The following NRG3 variants were observed in gnomAD, a reference collection of about 807,000 sequenced individuals.
The protein encoded by NRG3 is pro-neuregulin-3, membrane-bound isoform.
Under a neutral mutation model 66.9 loss-of-function variants are expected in NRG3, and 31 were observed. The observed-to-expected ratio is 0.46, with a 90% CI of 0.35 to 0.63. The LOEUF is 0.63. Ranked by LOEUF, NRG3 falls within the 20% of genes least tolerant of loss-of-function variation. The pLI is 0.00. For synonymous variants in NRG3, 393 were observed against 359.4 expected, an observed-to-expected ratio of 1.09 and a Z score of -1.06; for missense variants, 910 against 878.9, an observed-to-expected ratio of 1.04 and a Z score of -0.45.
chr10:82,560,647 C>A (rs1590672095), intron 2 of NRG3, among the ~76,000 whole-genome samples: 1 of 150,774 alleles, frequency 6.6e-6, no homozygotes, highest in East Asian at 2.0e-4. Context: ...AAATGTTAAT[C>A]ATATTTTATG....
At chr10:82,158,684 C>A (rs1459976335) in intron 1 of NRG3, among the ~76,000 whole-genome samples, 2 of 151,820 alleles carry the variant, frequency 1.3e-5, no homozygotes, top group Non-Finnish European at 2.9e-5. Context: ...GTTTTGAGAT[C>A]ATTCCTTTGG....
At chr10:82,602,486 T>C (rs1220858689) in intron 2 of NRG3, among the ~76,000 whole-genome samples, 1 of 152,028 alleles carries the variant, frequency 6.6e-6, no homozygotes, top group Admixed American at 6.6e-5. Flanking sequence ...ATTATTATAT[T>C]ATTTTCAATA....
At chr10:82,324,277 A>G (rs1446295057) in intron 1 of NRG3, among the ~76,000 whole-genome samples, 1 of 151,966 alleles carries the variant, frequency 6.6e-6, no homozygotes, top group East Asian at 1.9e-4. Context: ...CATTTCTCTC[A>G]TTTCTGTTAT....
At chr10:82,227,377 A>G (rs751766024) in intron 1 of NRG3, among the ~76,000 whole-genome samples, 7 of 152,274 alleles carry the variant, frequency 4.6e-5, no homozygotes, top group Non-Finnish European at 8.8e-5. Context: ...CTTGCATTTG[A>G]CAACTGGCTC....
At chr10:82,101,345 T>C (rs1165348353) in intron 1 of NRG3, among the ~76,000 whole-genome samples, 1 of 151,832 alleles carries the variant, frequency 6.6e-6, no homozygotes, top group Non-Finnish European at 1.5e-5. Context: ...ATTGACACCA[T>C]TGATATGTTT....
chr10:82,775,158 T>C (rs368776959), intron 3 of NRG3, among the ~76,000 whole-genome samples: 3 of 151,760 alleles, frequency 2.0e-5, no homozygotes, highest in East Asian at 3.9e-4. Flanking sequence ...AATTTGGGTT[T>C]AGTTTCGCTT....
chr10:82,972,898 G>A (rs774334574), intron 6 of NRG3, among the ~76,000 whole-genome samples: 8 of 152,108 alleles, frequency 5.3e-5, no homozygotes, highest in Non-Finnish European at 1.2e-4. Flanking sequence ...GAGTTTTAGA[G>A]TTTTACAGTT....
At chr10:82,092,623 T>G (rs2066094649) in intron 1 of NRG3, among the ~76,000 whole-genome samples, 1 of 152,200 alleles carries the variant, frequency 6.6e-6, no homozygotes, top group Non-Finnish European at 1.5e-5. Context: ...TGTATTTCTG[T>G]TTCTATAGCA....
chr10:82,718,040 C>G (rs2057081432), intron 2 of NRG3, among the ~76,000 whole-genome samples: 1 of 152,028 alleles, frequency 6.6e-6, no homozygotes, highest in Admixed American at 6.6e-5. Flanking sequence ...ACATATTCCT[C>G]TGAGTAATTC....
At chr10:82,413,877 A>G (rs1180969393) in intron 2 of NRG3, among the ~76,000 whole-genome samples, 2 of 152,130 alleles carry the variant, frequency 1.3e-5, no homozygotes, top group Non-Finnish European at 2.9e-5. Flanking sequence ...CTCGGCCTTC[A>G]TAGAATTGAA....
intron 1 of NRG3, among the ~76,000 whole-genome samples, chr10:82,016,614 A>G (rs572483495): frequency 1.3e-5 from 2 of 152,284 alleles, no homozygotes; most frequent in South Asian, 4.1e-4. Context: ...TTTCAGCAAG[A>G]TGATCAGAGA....
At chr10:82,756,550 A>T (rs1329362180) in intron 3 of NRG3, among the ~76,000 whole-genome samples, 1 of 152,110 alleles carries the variant, frequency 6.6e-6, no homozygotes, top group African/African-American at 2.4e-5. Flanking sequence ...TAAAATATAC[A>T]AGTAGTACAT....
At chr10:81,912,293 C>T (rs1346614014) in intron 1 of NRG3, among the ~76,000 whole-genome samples, 3 of 152,260 alleles carry the variant, frequency 2.0e-5, no homozygotes, top group East Asian at 3.9e-4. Context: ...GCAGTCATAG[C>T]TCACCGTAGC....
intron 2 of NRG3, among the ~76,000 whole-genome samples, chr10:82,662,555 T>C (rs1348010627): frequency 1.3e-5 from 2 of 152,132 alleles, no homozygotes; most frequent in African/African-American, 2.4e-5. Flanking sequence ...CAGTCAATCA[T>C]AGTTCAAATA....
intron 2 of NRG3, among the ~76,000 whole-genome samples, chr10:82,607,520 T>TC (rs1803586347): frequency 1.3e-5 from 2 of 152,166 alleles, no homozygotes; most frequent in African/African-American, 2.4e-5. Flanking sequence ...AGGCCTTTTT[T>TC]CCCCACTCTG....
chr10:82,840,431 A>T (rs531644246), intron 3 of NRG3, among the ~76,000 whole-genome samples: 1 of 152,200 alleles, frequency 6.6e-6, no homozygotes, highest in East Asian at 1.9e-4. Flanking sequence ...TTTAAAGTGT[A>T]CTTTTACATC....
At chr10:82,526,571 T>A (rs1451021129) in intron 2 of NRG3, among the ~76,000 whole-genome samples, 1 of 151,726 alleles carries the variant, frequency 6.6e-6, no homozygotes, top group Non-Finnish European at 1.5e-5. Flanking sequence ...AAAGTACAAA[T>A]AATAATCAAA....
At chr10:82,650,341 C>G (rs1410952224) in intron 2 of NRG3, among the ~76,000 whole-genome samples, 1 of 152,134 alleles carries the variant, frequency 6.6e-6, no homozygotes, top group Non-Finnish European at 1.5e-5. Flanking sequence ...GCTTCCAGCT[C>G]CTCCCAGCGA....
At chr10:82,158,209 G>A (rs2071321676) in intron 1 of NRG3, among the ~76,000 whole-genome samples, 1 of 151,732 alleles carries the variant, frequency 6.6e-6, no homozygotes, top group African/African-American at 2.4e-5. Context: ...TAAAATGTTA[G>A]TCAACATCAA....
Sources: gnomAD v4.1 joint callset for allele counts (sites outside exome capture counted in the v4.1 genomes callset) on GRCh38, gnomAD v4.1.1 for gene constraint, MANE v1.5 for transcripts, NCBI Gene and HGNC (gene_info 2026-07-23, HGNC 2026-07-21) for gene names.